Variants in COL14A1 observed in about 807,000 individuals in gnomAD.
The protein encoded by COL14A1 is collagen alpha-1(XIV) chain.
In COL14A1, 136 loss-of-function variants were observed where a neutral mutation model predicts 230.3. That is an observed-to-expected ratio of 0.59 (90% confidence interval 0.51 to 0.68). The LOEUF (loss-of-function observed/expected upper bound fraction) is 0.68, where lower values mean the gene tolerates loss of function less well. COL14A1 is among the 30% of genes least tolerant of loss of function. The pLI, the probability that COL14A1 is intolerant of heterozygous loss-of-function variation, is 0.00. For synonymous variants in COL14A1, 792 were observed against 784.1 expected (o/e 1.01, Z -0.17); for missense variants, 1,976 against 2,215.8 (o/e 0.89, Z 2.17).
At chr8:120,181,876 C>T (rs960486171) in intron 5 of COL14A1, among the ~76,000 whole-genome samples, 3 of 152,040 alleles carry the variant, frequency 2.0e-5, no homozygotes, top group African/African-American at 2.4e-5. Context: ...TGCTTGAACC[C>T]GGGAGGCGGA....
chr8:120,168,647 C>T (rs966476423), intron 5 of COL14A1, among the ~76,000 whole-genome samples: 5 of 152,148 alleles, frequency 3.3e-5, no homozygotes, highest in African/African-American at 1.2e-4. Flanking sequence ...ATCCGAATGT[C>T]TATGTCTCTA....
At chr8:120,302,612 T>C (rs1254060930) in intron 36 of COL14A1, among the ~76,000 whole-genome samples, 4 of 152,222 alleles carry the variant, frequency 2.6e-5, no homozygotes, top group Non-Finnish European at 5.9e-5. Flanking sequence ...TCTGTTTTTG[T>C]ACCAGTACCA....
intron 20 of COL14A1, 34 bp downstream of exon 20, chr8:120,244,042 G>T: frequency 1.2e-6 from 2 of 1,600,130 alleles, no homozygotes; most frequent in South Asian, 2.2e-5. Flanking sequence ...AATACAAGCC[G>T]ACTCATTAAA....
At chr8:120,133,587 A>C (rs898166410) in intron 1 of COL14A1, among the ~76,000 whole-genome samples, 2 of 152,210 alleles carry the variant, frequency 1.3e-5, no homozygotes, top group Non-Finnish European at 2.9e-5. Context: ...TTTCAGATTA[A>C]TAGCTCAATA....
chr8:120,267,527 T>G (rs1266939304), intron 25 of COL14A1, among the ~76,000 whole-genome samples: 1 of 151,930 alleles, frequency 6.6e-6, no homozygotes, highest in Non-Finnish European at 1.5e-5. Context: ...GCAGTTGTAT[T>G]ATGTACCACC....
In COL14A1 at chr8:120,361,990, A is replaced by C. The variant is rs146110043; in HGVS notation, c.5078-5181A>C. Reference sequence around the variant, plus strand: ...AGCAAGTATACAAATTGAGGAAAGCATCTGAGGAAATGTGGTGATAAACAC... The same window carrying C: ...AGCAAGTATACAAATTGAGGAAAGCCTCTGAGGAAATGTGGTGATAAACAC... On this transcript the variant is annotated intron_variant, in intron 45 of 47. Coordinates refer to ENST00000297848, the MANE Select transcript of COL14A1 (RefSeq NM_021110.4). Among the ~76,000 whole-genome samples, 678 of 152,340 alleles carry C rather than the reference A, an allele frequency of 4.5e-3. 3 individuals carry two copies. The highest frequency in any genetic ancestry group is 0.015 in the African/African-American group (621 of 41,576).
intron 36 of COL14A1, among the ~76,000 whole-genome samples, chr8:120,305,575 C>A (rs543947469): frequency 6.6e-6 from 1 of 152,034 alleles, no homozygotes; most frequent in Non-Finnish European, 1.5e-5. Flanking sequence ...CAAGATTTTG[C>A]TTTTAATCCA....
chr8:120,186,183 T>C (rs1274287074), intron 5 of COL14A1, among the ~76,000 whole-genome samples: 1 of 152,250 alleles, frequency 6.6e-6, no homozygotes, highest in Non-Finnish European at 1.5e-5. Context: ...AAGTTTCTCG[T>C]TGAGTTTTTG....
At chr8:120,370,842 T>G in intron 47 of COL14A1, 1 of 1,356,054 alleles carries the variant, frequency 7.4e-7, no homozygotes, top group Non-Finnish European at 9.7e-7. Context: ...TGAGATTTTT[T>G]AAAAAAATTT....
chr8:120,269,116 G>T (rs547270147), intron 25 of COL14A1, among the ~76,000 whole-genome samples: 40 of 151,848 alleles, frequency 2.6e-4, no homozygotes, highest in African/African-American at 8.9e-4. Context: ...CTTAAAGAAA[G>T]GAGAAAGGCA....
At chr8:120,329,601 T>C (rs1821800417) in intron 40 of COL14A1, among the ~76,000 whole-genome samples, 1 of 152,060 alleles carries the variant, frequency 6.6e-6, no homozygotes, top group Non-Finnish European at 1.5e-5. Flanking sequence ...AGCAAGACTG[T>C]CTCAAAAAAA....
intron 4 of COL14A1, among the ~76,000 whole-genome samples, chr8:120,167,037 T>TC (rs1413458315): frequency 9.2e-5 from 14 of 151,734 alleles, no homozygotes; most frequent in African/African-American, 3.4e-4. Flanking sequence ...GATCAAGGTA[T>TC]CTTACATTTT....
intron 21 of COL14A1, among the ~76,000 whole-genome samples, 184 bp from the exon 22 acceptor site, chr8:120,250,433 A>T (rs1057073672): frequency 1.3e-5 from 2 of 152,244 alleles, no homozygotes; most frequent in Non-Finnish European, 2.9e-5. Context: ...GGTCCCTAAA[A>T]ATAACCTTTA....
Position 120,285,942 on chromosome 8 carries a change from G to A in COL14A1, c.4049G>A (p.Arg1350Lys), listed in dbSNP as rs1820186181. 1 of 1,604,136 alleles carries A rather than the reference G, an allele frequency of 6.2e-7. No homozygotes were observed. The highest frequency in any genetic ancestry group is 1.7e-5 in the Admixed American group (1 of 59,916). Residue 1350 changes from arginine (R) to lysine (K), a missense_variant, in exon 33 of 48, where the codon AGG becomes AAG. Physicochemically the swap from Arg to Lys is conservative, Grantham distance 26 (BLOSUM62 2). Transcript: ENST00000297848. Reference protein sequence around the residue: ...QTVTFEGPEIRKIFYGSFHKL... With the variant: ...QTVTFEGPEIKKIFYGSFHKL... ...GTTACTTTCGAAGGACCTGAAATTA[G>A]GAAAATTTTTTATGGAAGCTTTCAC...
intron 5 of COL14A1, among the ~76,000 whole-genome samples, chr8:120,194,231 C>G (rs943950655): frequency 6.6e-6 from 1 of 152,136 alleles, no homozygotes; most frequent in Admixed American, 6.5e-5. Flanking sequence ...GTGAAATATG[C>G]CTAGTTGTAG....
At chr8:120,144,410 T>C (rs1366452071) in intron 1 of COL14A1, among the ~76,000 whole-genome samples, 1 of 152,134 alleles carries the variant, frequency 6.6e-6, no homozygotes. Context: ...GCTAGACATA[T>C]CAAAATATGT....
chr8:120,250,520 C>T (rs774618436), intron 21 of COL14A1, 97 bp from the exon 22 acceptor site: 164 of 1,308,642 alleles, frequency 1.3e-4, no homozygotes, highest in Non-Finnish European at 1.7e-4. Flanking sequence ...TAATCCCAGG[C>T]AACTGAAAAG....
At chr8:120,248,948 C>T (rs1224253504) in intron 21 of COL14A1, among the ~76,000 whole-genome samples, 1 of 61,768 alleles carries the variant, frequency 1.6e-5, no homozygotes, top group African/African-American at 9.9e-5. Context: ...TTTTTTGAGA[C>T]GGAGTCTCGC....
intron 14 of COL14A1, among the ~76,000 whole-genome samples, chr8:120,219,070 C>A (rs1447338562): frequency 2.6e-5 from 4 of 151,420 alleles, no homozygotes; most frequent in Admixed American, 1.3e-4. Context: ...CATAAGCATT[C>A]TTTTAGTCCA....
Sources: allele counts gnomAD v4.1 joint callset (sites outside exome capture counted in the v4.1 genomes callset), GRCh38; gene constraint gnomAD v4.1.1; transcripts MANE v1.5; gene names NCBI Gene and HGNC (gene_info 2026-07-23, HGNC 2026-07-21).